Variants in SPAG9 observed in about 807,000 individuals in gnomAD.
SPAG9 encodes the protein C-Jun-amino-terminal kinase-interacting protein 4.
A neutral mutation model predicts 166.5 loss-of-function variants in SPAG9; 35 were observed. That is an observed-to-expected ratio of 0.21 (90% CI 0.16 to 0.28). The LOEUF (loss-of-function observed/expected upper bound fraction) is 0.28. Among genes scored for constraint, SPAG9 ranks in the 10% least tolerant of loss-of-function variants. The pLI, the probability that SPAG9 is intolerant of heterozygous loss-of-function variation, is 1.00. For synonymous variants in SPAG9, 534 were observed against 565.5 expected (o/e 0.94, Z 0.79); for missense variants, 1,235 against 1,603.3 (o/e 0.77, Z 3.92).
chr17:51,094,188 G>C (rs1261614015), intron 1 of SPAG9, among the ~76,000 whole-genome samples: 1 of 152,188 alleles, frequency 6.6e-6, no homozygotes, highest in African/African-American at 2.4e-5. Context: ...GGGTTGCCAA[G>C]AGGCAGTAAA....
chr17:51,120,226 G>A lies in SPAG9; in HGVS notation c.303+128C>T. On this transcript the variant is annotated intron_variant, in intron 1 of 29. Transcript: ENST00000262013. This position sits in a 1 kb window ranked among gnomAD's most constrained non-coding sequence, Gnocchi z 4.7. ...CTGGAGGCCGCCGGGATCGGTCCCA[G>A]GGGGCATCGGCCTCAGGCCCGCCCT... The A allele has an allele frequency of 1.2e-6, 1 of 806,062 alleles. No individual in the cohort carries two copies. The highest frequency in any genetic ancestry group is 1.8e-6 in the Non-Finnish European group (1 of 550,116). The allele number at this position is 806,062 out of a possible 1,614,324, so 49.9% of individuals were successfully genotyped here. A position where few individuals can be genotyped will look rare whatever the true frequency, so the allele number is the denominator to read the frequency against.
intron 2 of SPAG9, among the ~76,000 whole-genome samples, chr17:51,077,077 GCTATCTAGCTAGCTATCTAT>G (rs1568065725): frequency 8.6e-6 from 1 of 116,252 alleles, no homozygotes. Flanking sequence ...TAGCTATCTA[GCTATCTAGCTAGCTATCTAT>G]CTAGCTAGCT....
At chr17:50,994,661 A>T (rs1369353429) in intron 18 of SPAG9, among the ~76,000 whole-genome samples, 1 of 152,164 alleles carries the variant, frequency 6.6e-6, no homozygotes, top group Non-Finnish European at 1.5e-5. Context: ...AAGTGGACAG[A>T]TCACTTGAGT....
chr17:51,017,116 C>T (rs2045731020), intron 8 of SPAG9, among the ~76,000 whole-genome samples: 1 of 152,104 alleles, frequency 6.6e-6, no homozygotes, highest in African/African-American at 2.4e-5. Flanking sequence ...GCATCACAGC[C>T]TTTTTCAACC....
At chr17:51,083,363 C>T (rs2048219942) in intron 1 of SPAG9, among the ~76,000 whole-genome samples, 2 of 150,912 alleles carry the variant, frequency 1.3e-5, no homozygotes, top group African/African-American at 4.9e-5. Context: ...GCTTCCCGCA[C>T]AGCTGGGATT....
At chr17:51,114,585 G>A (rs1044863491) in intron 1 of SPAG9, among the ~76,000 whole-genome samples, 5 of 152,250 alleles carry the variant, frequency 3.3e-5, no homozygotes, top group Non-Finnish European at 5.9e-5. Flanking sequence ...AGCCAAGATC[G>A]TGCCTCTGCA....
chr17:51,013,652 C>T (rs1391067278), intron 9 of SPAG9, among the ~76,000 whole-genome samples: 2 of 152,156 alleles, frequency 1.3e-5, no homozygotes, highest in Non-Finnish European at 2.9e-5. Flanking sequence ...GGTTAAGACA[C>T]TTGGCAAAGG....
intron 1 of SPAG9, among the ~76,000 whole-genome samples, chr17:51,112,671 C>CAAAAAAAAAA (rs1206604151): frequency 2.4e-5 from 1 of 41,402 alleles, no homozygotes; most frequent in African/African-American, 6.1e-5. Context: ...TCTGTCTCAA[C>CAAAAAAAAAA]AAAAAAAAAA....
intron 2 of SPAG9, among the ~76,000 whole-genome samples, chr17:51,069,216 T>A (rs564662945): frequency 1.3e-5 from 2 of 151,704 alleles, no homozygotes; most frequent in South Asian, 2.1e-4. Flanking sequence ...ATCATTAAAA[T>A]ATATATATAT....
At chr17:51,024,726 A>T (rs2144222915) in intron 6 of SPAG9, among the ~76,000 whole-genome samples, 1 of 151,970 alleles carries the variant, frequency 6.6e-6, no homozygotes, top group Admixed American at 6.6e-5. Context: ...AAAAAAAAAA[A>T]AAATTGTACA....
intron 1 of SPAG9, among the ~76,000 whole-genome samples, chr17:51,105,960 T>C (rs1324263419): frequency 6.6e-6 from 1 of 151,658 alleles, no homozygotes; most frequent in Non-Finnish European, 1.5e-5. Flanking sequence ...TGCTGCTTGC[T>C]TGGTTAAAAA....
intron 1 of SPAG9, among the ~76,000 whole-genome samples, chr17:51,087,070 A>C (rs2048325428): frequency 6.6e-6 from 1 of 152,276 alleles, no homozygotes; most frequent in Non-Finnish European, 1.5e-5. Context: ...ACTAACTTTC[A>C]AAGAATAATC....
chr17:51,014,561 T>C, intron 8 of SPAG9: 3 of 456,432 alleles, frequency 6.6e-6, no homozygotes, highest in Non-Finnish European at 1.2e-5. Flanking sequence ...AATTATAGAA[T>C]GTTTTTGTTG....
chr17:51,107,721 C>T (rs2048993827), intron 1 of SPAG9, among the ~76,000 whole-genome samples: 1 of 145,878 alleles, frequency 6.9e-6, no homozygotes, highest in African/African-American at 2.5e-5. Context: ...TGGGCGACAG[C>T]AAGACTCCAT....
At chr17:51,041,741 GT>G in intron 4 of SPAG9, 90 bp from the exon 5 acceptor site, 2 of 1,187,776 alleles carry the variant, frequency 1.7e-6, no homozygotes, top group Non-Finnish European at 1.2e-6. Context: ...GACTGCCACT[GT>G]TTTACAACCA....
chr17:50,995,495 T>A lies in SPAG9; in HGVS notation c.2007A>T (p.Leu669Phe). The stretch of plus-strand genomic sequence containing the variant: ...GAGGTCTGAGATAGACAGGCACAGG[T>A]AAATTTTTCATCTTATTTTCACCTT... ...NGQGENKMKN[L>F]PVPVYLRPLD... Residue 669 changes from leucine to phenylalanine, a missense_variant, in exon 17 of 30, where the codon TTA (leucine) becomes TTT (phenylalanine). Around this residue, in one of 6 missense-constraint regions of SPAG9, gnomAD observed 493 missense variants for 559.4 expected, o/e 0.88. Coordinates refer to ENST00000262013, the MANE Select transcript of SPAG9 (RefSeq NM_001130528.3). 1 of 1,612,162 alleles carries A rather than the reference T, an allele frequency of 6.2e-7. No homozygotes were observed. The highest frequency in any genetic ancestry group is 1.1e-5 in the South Asian group (1 of 91,004).
chr17:51,092,290 A>T (rs1277870614), intron 1 of SPAG9, among the ~76,000 whole-genome samples: 1 of 152,134 alleles, frequency 6.6e-6, no homozygotes, highest in East Asian at 1.9e-4. Flanking sequence ...ATTTTTTAAC[A>T]CAAATGATTT....
chr17:51,062,907 T>C (rs2047557874), intron 2 of SPAG9, among the ~76,000 whole-genome samples: 3 of 152,178 alleles, frequency 2.0e-5, no homozygotes, highest in African/African-American at 7.2e-5. Flanking sequence ...CGTCTTTTCC[T>C]GGACAAACAG....
chr17:51,101,515 G>A (rs567244852), intron 1 of SPAG9, among the ~76,000 whole-genome samples: 1 of 152,180 alleles, frequency 6.6e-6, no homozygotes, highest in South Asian at 2.1e-4. Flanking sequence ...ACAGGTAGCA[G>A]TAACAAAATG....
Sources: allele counts gnomAD v4.1 joint callset (sites outside exome capture counted in the v4.1 genomes callset), GRCh38; gene constraint gnomAD v4.1.1; regional missense constraint gnomAD v4.1.1; non-coding constraint Gnocchi (gnomAD v3.1); transcripts MANE v1.5; gene names NCBI Gene and HGNC (gene_info 2026-07-23, HGNC 2026-07-21).